Variants in STAB2 observed in about 807,000 individuals in gnomAD.
STAB2 encodes stabilin 2, also known as stabilin-2.
STAB2 carries 288 observed loss-of-function variants against 338.1 expected under a neutral mutation model. That is an observed-to-expected ratio of 0.85 (90% CI 0.77 to 0.94). STAB2 has a LOEUF of 0.94. Ranked by LOEUF, STAB2 falls within the 40% of genes least tolerant of loss-of-function variation. The pLI, the probability that STAB2 is intolerant of heterozygous loss-of-function variation, is 0.00. For missense variants in STAB2, 3,141 were observed against 3,210.1 expected, an observed-to-expected ratio of 0.98 and a Z score of 0.52; for synonymous variants, 1,202 against 1,193.3, an observed-to-expected ratio of 1.01 and a Z score of -0.15.
intron 38 of STAB2, among the ~76,000 whole-genome samples, chr12:103,707,766 T>G (rs945465643): frequency 3.9e-5 from 6 of 152,194 alleles, no homozygotes; most frequent in African/African-American, 1.4e-4. Flanking sequence ...TCTCCTCAGC[T>G]GGTCTAAGCC....
intron 39 of STAB2, 132 bp downstream of exon 39, chr12:103,708,668 CAA>C: frequency 2.4e-6 from 2 of 818,912 alleles, no homozygotes; most frequent in South Asian, 2.1e-5. Context: ...TTTCTTGCAG[CAA>C]AAAGTTTGTA....
rs1183417144 is a variant in STAB2, at chr12:103,594,261, C to T, written c.216-134C>T. ...TTAAGTTTTATGCTACCTAGAAAGCCAAATGTGTTCCATCTAGATATTTTT... is the reference window on the plus strand; with the variant it reads ...TTAAGTTTTATGCTACCTAGAAAGCTAAATGTGTTCCATCTAGATATTTTT... On this transcript the variant is annotated intron_variant, in intron 2 of 68. Coordinates refer to ENST00000388887, the MANE Select transcript of STAB2 (RefSeq NM_017564.10). The T allele has an allele frequency of 4.8e-6, 3 of 620,814 alleles. No homozygotes were observed. The African/African-American group carries it at 5.4e-5, about 11-fold the overall frequency. 38.5% of individuals were successfully genotyped at this position (620,814 alleles called of 1,614,324 possible). A position where few individuals can be genotyped will look rare whatever the true frequency, so the allele number is the denominator to read the frequency against.
At chr12:103,751,446 CAT>C (rs1883643084) in intron 60 of STAB2, among the ~76,000 whole-genome samples, 1 of 152,146 alleles carries the variant, frequency 6.6e-6, no homozygotes, top group Admixed American at 6.5e-5. Flanking sequence ...TCAGCCATGA[CAT>C]AAAGTTTCCA....
chr12:103,720,524 G>C (rs1176830760), intron 44 of STAB2, among the ~76,000 whole-genome samples: 3 of 152,182 alleles, frequency 2.0e-5, no homozygotes, highest in Admixed American at 6.5e-5. Flanking sequence ...TTATGAATTT[G>C]TATGTAAATT....
At chr12:103,619,697 C>G (rs984077640) in intron 3 of STAB2, among the ~76,000 whole-genome samples, 1 of 151,990 alleles carries the variant, frequency 6.6e-6, no homozygotes, top group Non-Finnish European at 1.5e-5. Flanking sequence ...GCTTACCATA[C>G]TAGGCACTTC....
chr12:103,650,442 T>C, intron 10 of STAB2, 54 bp from the exon 11 acceptor site: 1 of 1,527,414 alleles, frequency 6.5e-7, no homozygotes, highest in Non-Finnish European at 9.1e-7. Flanking sequence ...TTACTCCTCC[T>C]GTACCACTGA....
chr12:103,685,162 T>A, intron 27 of STAB2, 78 bp downstream of exon 27: 1 of 1,297,036 alleles, frequency 7.7e-7, no homozygotes, highest in Non-Finnish European at 1.1e-6. Context: ...TTTAAAGTGA[T>A]CTATTGACAT....
intron 30 of STAB2, 52 bp downstream of exon 30, chr12:103,690,590 T>A: frequency 6.7e-7 from 1 of 1,495,022 alleles, no homozygotes; most frequent in Non-Finnish European, 9.2e-7. Flanking sequence ...GCTTTGTTTA[T>A]ATTGTACTTT....
At chr12:103,650,695 G>A in intron 11 of STAB2, 117 bp downstream of exon 11, 3 of 760,540 alleles carry the variant, frequency 3.9e-6, no homozygotes, top group Non-Finnish European at 6.3e-6. Flanking sequence ...TGATGATAAG[G>A]ATGGTGATTT....
At chr12:103,678,918 G>T (rs111428558) in intron 25 of STAB2, among the ~76,000 whole-genome samples, 2,745 of 152,244 alleles carry the variant, frequency 0.018, 78 homozygotes, top group African/African-American at 0.06. Context: ...CCTCCATTCT[G>T]CTAGGAATGA....
At chr12:103,717,899 C>A in intron 44 of STAB2, 58 bp downstream of exon 44, 1 of 1,581,550 alleles carries the variant, frequency 6.3e-7, no homozygotes, top group Admixed American at 1.7e-5. Context: ...GTGCCTCCCA[C>A]CCCACTTCTC....
chr12:103,755,223 G>A (rs1248598647), intron 61 of STAB2, 79 bp from the exon 62 acceptor site: 2 of 1,558,868 alleles, frequency 1.3e-6, no homozygotes, highest in East Asian at 2.3e-5. Context: ...TGGCCTAATA[G>A]GGGAATCAGA....
At chr12:103,637,880 G>A (rs1957574495) in intron 7 of STAB2, 136 bp from the exon 8 acceptor site, 5 of 897,222 alleles carry the variant, frequency 5.6e-6, no homozygotes, top group Admixed American at 2.5e-5. Flanking sequence ...CTGGTTCAGG[G>A]GGAAATGAAA....
At chr12:103,682,936 AG>A (rs1256045749) in intron 25 of STAB2, among the ~76,000 whole-genome samples, 1 of 141,512 alleles carries the variant, frequency 7.1e-6, no homozygotes, top group East Asian at 2.1e-4. Flanking sequence ...CGACAGAGTG[AG>A]ACTCCATCTC....
chr12:103,705,314 T>A (rs1879246545), intron 36 of STAB2, among the ~76,000 whole-genome samples: 1 of 152,244 alleles, frequency 6.6e-6, no homozygotes, highest in South Asian at 2.1e-4. Context: ...GTTGAGTCAA[T>A]GTACGGTGCT....
In STAB2 at chr12:103,763,646, G is replaced by C. The variant is rs1254425956; in HGVS notation, c.7605+38G>C. ...TCTTATCTAGGAATAGGTTCCCTTG[G>C]GGTACAGGGGAATGATGTCTTTTAG... On this transcript the variant is annotated intron_variant, in intron 68 of 68. Transcript: ENST00000388887. The C allele has an allele frequency of 3.9e-6, 6 of 1,542,878 alleles. No homozygotes were observed. In the Middle Eastern group the frequency reaches 5.1e-4, roughly 131 times the overall value.
At position 103,753,076 on chromosome 12, in the gene STAB2, C is replaced by T. The variant is rs972690404; in HGVS notation, c.6581-144C>T. The T allele has an allele frequency of 8.5e-5, 76 of 896,876 alleles. No homozygotes were observed. The Middle Eastern group carries it at 9.3e-4, about 11-fold the overall frequency. The allele number at this position is 896,876 out of a possible 1,614,324, so 55.6% of individuals were successfully genotyped here. On this transcript the variant is annotated intron_variant, in intron 60 of 68. Transcript: ENST00000388887. ...AAGAAATATTTTAAATGATGTACTT[C>T]AACATAACTTGAAGGGAAAGTGGCT... is the stretch of plus-strand genomic sequence containing the variant.
intron 34 of STAB2, among the ~76,000 whole-genome samples, chr12:103,700,387 T>C (rs1878758389): frequency 6.6e-6 from 1 of 152,254 alleles, no homozygotes; most frequent in Non-Finnish European, 1.5e-5. Flanking sequence ...AGTATAATTT[T>C]AAAAACAATT....
At chr12:103,724,266 T>C (rs913210649) in intron 44 of STAB2, among the ~76,000 whole-genome samples, 5 of 152,136 alleles carry the variant, frequency 3.3e-5, no homozygotes, top group African/African-American at 1.2e-4. Context: ...ACAGCTTCAC[T>C]TGAGGGGCAT....
Sources: gnomAD v4.1 joint callset for allele counts (sites outside exome capture counted in the v4.1 genomes callset) on GRCh38, gnomAD v4.1.1 for gene constraint, MANE v1.5 for transcripts, NCBI Gene and HGNC (gene_info 2026-07-23, HGNC 2026-07-21) for gene names.